Variants in NUDT6 observed in about 807,000 individuals in gnomAD.
NUDT6 encodes the protein nudix hydrolase 6.
Under a neutral mutation model 36.8 loss-of-function variants are expected in NUDT6, and 24 were observed. That is an observed-to-expected ratio of 0.65 (90% CI 0.47 to 0.92). The LOEUF is 0.92. Ranked by LOEUF, NUDT6 falls within the 40% of genes least tolerant of loss-of-function variation. The probability of loss-of-function intolerance (pLI) is 0.00; values close to 1 mark genes in which losing one functional copy is unlikely to be tolerated. For missense variants in NUDT6, 388 were observed against 392.8 expected, an observed-to-expected ratio of 0.99 and a Z score of 0.10; for synonymous variants, 163 against 157.0, an observed-to-expected ratio of 1.04 and a Z score of -0.29.
intron 2 of NUDT6, 79 bp from the exon 3 acceptor site, chr4:122,912,702 G>A: frequency 1.1e-6 from 1 of 914,398 alleles, no homozygotes; most frequent in Non-Finnish European, 1.7e-6. Context: ...CTCTATCTGT[G>A]GTGATAAAAA....
At chr4:122,919,233 G>T (rs1304117325) in intron 1 of NUDT6, 1 of 152,188 alleles carries the variant, frequency 6.6e-6, no homozygotes, top group Non-Finnish European at 1.5e-5. Context: ...TGTTGTTGTT[G>T]TTGAGACGGA....
chr4:122,903,417 A>G (rs2150803004), intron 3 of NUDT6, among the ~76,000 whole-genome samples: 1 of 152,320 alleles, frequency 6.6e-6, no homozygotes, highest in Admixed American at 6.5e-5. Flanking sequence ...TCAATGTGCT[A>G]GTTTAGTGGT....
intron 3 of NUDT6, among the ~76,000 whole-genome samples, chr4:122,907,846 G>C (rs1014608899): frequency 6.6e-6 from 1 of 152,120 alleles, no homozygotes; most frequent in African/African-American, 2.4e-5. Flanking sequence ...TCTGGATCAG[G>C]ACCCCCTTCT....
At chr4:122,912,094 C>T (rs929561554) in intron 3 of NUDT6, among the ~76,000 whole-genome samples, 1 of 152,158 alleles carries the variant, frequency 6.6e-6, no homozygotes, top group Middle Eastern at 3.2e-3. Context: ...TAAATTTCAC[C>T]TCCTTTGAGA....
intron 2 of NUDT6, among the ~76,000 whole-genome samples, chr4:122,915,322 T>C (rs894950823): frequency 6.6e-5 from 10 of 151,898 alleles, no homozygotes; most frequent in Non-Finnish European, 1.2e-4. Flanking sequence ...ATACAACAAT[T>C]AGCCTAGCAT....
At chr4:122,912,730 G>C (rs1166901339) in intron 2 of NUDT6, 107 bp from the exon 3 acceptor site, 1 of 706,710 alleles carries the variant, frequency 1.4e-6, no homozygotes, top group Non-Finnish European at 2.5e-6. Context: ...CATACTTGAA[G>C]CCTTGGTTCA....
At chr4:122,921,612 A>AC (rs1390291607) in intron 1 of NUDT6, 2 of 125,140 alleles carry the variant, frequency 1.6e-5, no homozygotes, top group African/African-American at 3.6e-5. Context: ...AAAAAAAAAA[A>AC]AAAAAACAAA....
Position 122,917,680 on chromosome 4 carries a change from TC to T in NUDT6, c.262del (p.Glu88LysfsTer38), listed in dbSNP as rs1450948750. ...GTGCAGCCATACAGCTGTTCTACCT[TC>T]TGATCGCCATTGCTGTACTGCAGCT... Reference protein sequence around the residue: ...LQAAVQQWRSEGRTAVWLHIP... With the variant: ...LQAAVQQWRSXGRTAVWLHIP... On this transcript the variant is annotated frameshift_variant, in exon 2 of 5. Transcript: ENST00000304430. LOFTEE classifies it high-confidence loss of function. 6.2e-7 allele frequency: 1 copy of T among 1,614,134 alleles called. No homozygotes were observed. Among genetic ancestry groups the T allele is most frequent in the Non-Finnish European group, 8.5e-7 (1 of 1,180,002 alleles).
intron 1 of NUDT6, chr4:122,921,305 TATATTCA>T (rs1399913598): frequency 1.3e-5 from 2 of 152,306 alleles, no homozygotes; most frequent in African/African-American, 4.8e-5. Flanking sequence ...ACAGGGTGAC[TATATTCA>T]ATAAAGATTC....
intron 3 of NUDT6, among the ~76,000 whole-genome samples, chr4:122,898,842 C>T (rs887752064): frequency 1.3e-5 from 2 of 152,090 alleles, no homozygotes; most frequent in African/African-American, 4.8e-5. Flanking sequence ...AGAAACTATG[C>T]AGTCTTTGTC....
intron 3 of NUDT6, among the ~76,000 whole-genome samples, chr4:122,910,548 T>G (rs1041746770): frequency 2.0e-5 from 3 of 152,122 alleles, no homozygotes; most frequent in Admixed American, 6.5e-5. Flanking sequence ...CAGCCTCTGT[T>G]AAAGTCCATA....
At position 122,922,529 on chromosome 4, in the gene NUDT6, G is replaced by C; in HGVS notation, c.44C>G (p.Ala15Gly). The change falls in exon 1 of 5, where the codon GCC becomes GGC. Residue 15 changes from alanine to glycine, a missense_variant. By Grantham distance (60) the Ala-to-Gly change is moderately conservative. Transcript: ENST00000304430. Reference protein sequence around the residue: ...LSWGRWRAMLARTYGPGPSAG... With the variant: ...LSWGRWRAMLGRTYGPGPSAG... The stretch of plus-strand genomic sequence containing the variant: ...CGAAGGCCCGGGGCCGTAGGTTCGG[G>C]CAAGCATCGCGCGCCAGCGGCCCCA... 6.2e-7 allele frequency: 1 copy of C among 1,605,094 alleles called. No individual in the cohort carries two copies. The highest frequency in any genetic ancestry group is 8.5e-7 in the Non-Finnish European group (1 of 1,178,016).
At chr4:122,917,445 G>T in intron 2 of NUDT6, 56 bp downstream of exon 2, 1 of 1,426,682 alleles carries the variant, frequency 7.0e-7, no homozygotes, top group Non-Finnish European at 9.9e-7. Flanking sequence ...TAACAAGCAA[G>T]AAATTGGGTG....
chr4:122,915,290 C>T (rs111578935), intron 2 of NUDT6, among the ~76,000 whole-genome samples: 7,240 of 151,864 alleles, frequency 0.048, 334 homozygotes, highest in South Asian at 0.15. Context: ...GGCAACATGG[C>T]GAAACCCTAT....
At chr4:122,905,036 A>G (rs952222480) in intron 3 of NUDT6, among the ~76,000 whole-genome samples, 1 of 152,218 alleles carries the variant, frequency 6.6e-6, no homozygotes, top group Non-Finnish European at 1.5e-5. Context: ...CACAGCATGG[A>G]AGGGGACCCC....
chr4:122,922,311 G>A (rs1426400878), intron 1 of NUDT6, 24 bp downstream of exon 1: 3 of 1,577,862 alleles, frequency 1.9e-6, no homozygotes, highest in Non-Finnish European at 1.7e-6. Flanking sequence ...AGCCCCGGGA[G>A]CCCTTCGTCC....
rs1485855477 is a variant in NUDT6, at chr4:122,900,068, G to A, written c.499-2390C>T. Among the ~76,000 whole-genome samples, 7 of 30,532 alleles carry A rather than the reference G, an allele frequency of 2.3e-4. No individual in the cohort carries two copies. In the East Asian group the frequency reaches 3.6e-3, roughly 16 times the overall value. The allele number at this position is 30,532 out of a possible 152,430, so 20.0% of individuals were successfully genotyped here. A position where few individuals can be genotyped will look rare whatever the true frequency, so the allele number is the denominator to read the frequency against. On this transcript the variant is annotated intron_variant, in intron 3 of 4. Coordinates refer to ENST00000304430, the MANE Select transcript of NUDT6 (RefSeq NM_007083.5). ...CATGCACCCCCGCCACCCCCCCCCC[G>A]GCCCCCACCACCACTGCCCCAGAGA...
At chr4:122,922,270 G>C in intron 1 of NUDT6, 65 bp downstream of exon 1, 1 of 1,409,812 alleles carries the variant, frequency 7.1e-7, no homozygotes. Context: ...AGGGAGTGGG[G>C]GCCGCGGTTA....
chr4:122,917,624 G>A lies in NUDT6; in HGVS notation c.319C>T (p.Pro107Ser), dbSNP rs754697715. 1.2e-6 allele frequency: 2 copies of A among 1,614,132 alleles called. No individual in the cohort carries two copies. The highest frequency in any genetic ancestry group is 1.7e-6 in the Non-Finnish European group (2 of 1,180,022). ...AAGCAGAAGCCCAGGGAAGCAGCAG[G>A]GGCAATAAATCGGCTTTGGAGGATG... ...IPILQSRFIA[P>S]AASLGFCFHH... is the part of the protein sequence containing the mutation. Residue 107 changes from proline (P) to serine (S), a missense_variant, in exon 2 of 5, where the codon CCT becomes TCT. Physicochemically the swap from Pro to Ser is moderately conservative, Grantham distance 74. Coordinates refer to ENST00000304430, the MANE Select transcript of NUDT6 (RefSeq NM_007083.5).
Sources: allele counts gnomAD v4.1 joint callset (sites outside exome capture counted in the v4.1 genomes callset), GRCh38; gene constraint gnomAD v4.1.1; transcripts MANE v1.5; gene names NCBI Gene and HGNC (gene_info 2026-07-23, HGNC 2026-07-21).